The following GALNT17 variants were observed in gnomAD, a reference collection of about 807,000 sequenced individuals.
GALNT17 encodes the protein polypeptide N-acetylgalactosaminyltransferase 17, also known as UDP-GalNAc:polypeptide N-acetylgalactosaminyltransferase-like 3.
GALNT17 carries 29 observed loss-of-function variants against 63.7 expected under a neutral mutation model. The observed-to-expected ratio is 0.46, with a 90% CI of 0.34 to 0.62. The LOEUF (loss-of-function observed/expected upper bound fraction) is 0.62. Among genes scored for constraint, GALNT17 ranks in the 20% least tolerant of loss-of-function variants. The probability of loss-of-function intolerance (pLI) is 0.01; values close to 1 mark genes in which losing one functional copy is unlikely to be tolerated. For synonymous variants in GALNT17, 305 were observed against 318.3 expected, an observed-to-expected ratio of 0.96 and a Z score of 0.45; for missense variants, 603 against 799.6, an observed-to-expected ratio of 0.75 and a Z score of 2.97.
At chr7:71,440,392 T>A (rs1787044082) in intron 5 of GALNT17, among the ~76,000 whole-genome samples, 1 of 95,060 alleles carries the variant, frequency 1.1e-5, no homozygotes, top group African/African-American at 4.2e-5. Context: ...TTTTTTTTTT[T>A]GAGATGGAGT....
At chr7:71,250,304 A>C (rs1228284681) in intron 1 of GALNT17, among the ~76,000 whole-genome samples, 1 of 152,220 alleles carries the variant, frequency 6.6e-6, no homozygotes, top group Non-Finnish European at 1.5e-5. Context: ...CTTAAAAAAT[A>C]ATGTATAATT....
At chr7:71,282,036 C>G (rs1188275787) in intron 1 of GALNT17, among the ~76,000 whole-genome samples, 1 of 152,186 alleles carries the variant, frequency 6.6e-6, no homozygotes, top group African/African-American at 2.4e-5. Flanking sequence ...CCTCTCCTTG[C>G]TGATCAATGA....
chr7:71,605,005 T>C (rs1054070108), intron 6 of GALNT17, among the ~76,000 whole-genome samples: 1 of 152,180 alleles, frequency 6.6e-6, no homozygotes, highest in Non-Finnish European at 1.5e-5. Context: ...TCGTATCACA[T>C]TGTGGACAGA....
intron 1 of GALNT17, among the ~76,000 whole-genome samples, chr7:71,206,208 T>G (rs1286276734): frequency 6.6e-6 from 1 of 151,368 alleles, no homozygotes; most frequent in Non-Finnish European, 1.5e-5. Context: ...GGTTATCTTG[T>G]GCTCATGAAT....
intron 4 of GALNT17, among the ~76,000 whole-genome samples, chr7:71,418,745 G>A (rs1786598092): frequency 6.6e-6 from 1 of 152,188 alleles, no homozygotes; most frequent in African/African-American, 2.4e-5. Flanking sequence ...GGAGGAGGGA[G>A]CAAATTATTG....
intron 5 of GALNT17, among the ~76,000 whole-genome samples, chr7:71,438,071 C>A (rs79885008): frequency 0.022 from 3,386 of 152,168 alleles, 53 homozygotes; most frequent in African/African-American, 0.041. Context: ...AGTTTACTTC[C>A]CTGTAAAATG....
chr7:71,324,445 G>A (rs943936372), intron 1 of GALNT17, among the ~76,000 whole-genome samples: 3 of 152,142 alleles, frequency 2.0e-5, no homozygotes, highest in Admixed American at 6.5e-5. Context: ...GAGCTCAGGA[G>A]TTCAACACTA....
At chr7:71,665,232 C>T (rs1194590248) in intron 6 of GALNT17, among the ~76,000 whole-genome samples, 179 bp from the exon 7 acceptor site, 1 of 152,180 alleles carries the variant, frequency 6.6e-6, no homozygotes, top group Non-Finnish European at 1.5e-5. Context: ...CCACCTCAGC[C>T]TCCCAAAGTG....
At chr7:71,331,152 T>C (rs1186733237) in intron 1 of GALNT17, among the ~76,000 whole-genome samples, 1 of 152,224 alleles carries the variant, frequency 6.6e-6, no homozygotes, top group Non-Finnish European at 1.5e-5. Flanking sequence ...TTTTGGGCAG[T>C]GTTATCACTC....
intron 5 of GALNT17, among the ~76,000 whole-genome samples, chr7:71,433,417 A>G (rs1786903944): frequency 6.6e-6 from 1 of 152,236 alleles, no homozygotes; most frequent in Non-Finnish European, 1.5e-5. Context: ...GGTAGAAGTG[A>G]TGAAAATGTT....
chr7:71,550,473 C>T (rs1379596097), intron 5 of GALNT17, among the ~76,000 whole-genome samples: 3 of 151,990 alleles, frequency 2.0e-5, no homozygotes, highest in Non-Finnish European at 2.9e-5. Context: ...CTCTGCCTCC[C>T]GGGTTCAAGC....
chr7:71,269,935 A>T (rs906393752), intron 1 of GALNT17, among the ~76,000 whole-genome samples: 3 of 151,538 alleles, frequency 2.0e-5, no homozygotes, highest in Admixed American at 1.3e-4. Flanking sequence ...AGATTAATAC[A>T]CTCTCTGAAA....
intron 1 of GALNT17, among the ~76,000 whole-genome samples, chr7:71,251,556 T>G (rs1008095526): frequency 6.6e-6 from 1 of 152,076 alleles, no homozygotes; most frequent in African/African-American, 2.4e-5. Context: ...ACTATAGGTG[T>G]GCACCACTGC....
At chr7:71,554,588 G>T (rs929587012) in intron 5 of GALNT17, among the ~76,000 whole-genome samples, 1 of 152,102 alleles carries the variant, frequency 6.6e-6, no homozygotes, top group African/African-American at 2.4e-5. Flanking sequence ...ATTATTTTAG[G>T]TCCTCTCTCT....
At chr7:71,281,954 C>T (rs1216512970) in intron 1 of GALNT17, among the ~76,000 whole-genome samples, 2 of 152,184 alleles carry the variant, frequency 1.3e-5, no homozygotes, top group Non-Finnish European at 2.9e-5. Context: ...CCGATTCCCT[C>T]TCATCCCTAC....
chr7:71,449,272 T>C (rs1563101308), intron 5 of GALNT17, among the ~76,000 whole-genome samples: 1 of 151,924 alleles, frequency 6.6e-6, no homozygotes, highest in Non-Finnish European at 1.5e-5. Context: ...CCACCACACC[T>C]GGCTAATTTT....
chr7:71,473,298 C>G (rs1787671960), intron 5 of GALNT17, among the ~76,000 whole-genome samples: 1 of 152,098 alleles, frequency 6.6e-6, no homozygotes. Flanking sequence ...CTTTTCGGAC[C>G]TTAATTTAGT....
At chr7:71,537,096 A>G (rs796141153) in intron 5 of GALNT17, among the ~76,000 whole-genome samples, 4 of 152,260 alleles carry the variant, frequency 2.6e-5, no homozygotes, top group African/African-American at 9.6e-5. Flanking sequence ...TTATCCTTCA[A>G]GGCTCATCCC....
chr7:71,356,141 T>C (rs1050846926), intron 2 of GALNT17, among the ~76,000 whole-genome samples: 28 of 152,044 alleles, frequency 1.8e-4, no homozygotes, highest in African/African-American at 6.5e-4. Context: ...CACATCAGGC[T>C]ACTTTTTTGG....
Sources: allele counts gnomAD v4.1 joint callset (sites outside exome capture counted in the v4.1 genomes callset), GRCh38; gene constraint gnomAD v4.1.1; transcripts MANE v1.5; gene names NCBI Gene and HGNC (gene_info 2026-07-23, HGNC 2026-07-21).